The following SMAD3 variants were observed in gnomAD, a reference collection of about 807,000 sequenced individuals.
The protein encoded by SMAD3 is SMAD family member 3, also known as MAD homolog 3.
In SMAD3, 12 loss-of-function variants were observed where a neutral mutation model predicts 51.8. The ratio of observed to expected loss-of-function variants is 0.23; its 90% CI spans 0.15 to 0.38. The LOEUF (loss-of-function observed/expected upper bound fraction) is 0.38. Ranked by LOEUF, SMAD3 falls within the 10% of genes least tolerant of loss-of-function variation. SMAD3 has a pLI of 1.00. For missense variants in SMAD3, 294 were observed against 565.6 expected, an observed-to-expected ratio of 0.52 and a Z score of 4.87; for synonymous variants, 238 against 227.7, an observed-to-expected ratio of 1.05 and a Z score of -0.41.
chr15:67,096,451 G>T (rs1284682337), intron 1 of SMAD3, among the ~76,000 whole-genome samples: 4 of 152,118 alleles, frequency 2.6e-5, no homozygotes, highest in Admixed American at 6.5e-5. Context: ...TTTTATATTT[G>T]CAGTTAAAAC....
At chr15:67,109,764 G>A (rs1045851858) in intron 1 of SMAD3, among the ~76,000 whole-genome samples, 4 of 152,164 alleles carry the variant, frequency 2.6e-5, no homozygotes, top group Admixed American at 6.5e-5. Flanking sequence ...CTGCAGTTGC[G>A]ACACCCGCGT....
At chr15:67,110,411 TG>T (rs1418523296) in intron 1 of SMAD3, among the ~76,000 whole-genome samples, 1 of 152,132 alleles carries the variant, frequency 6.6e-6, no homozygotes, top group Non-Finnish European at 1.5e-5. Context: ...TAGAGGAACT[TG>T]GGTTTGACAA....
At chr15:67,068,087 C>T (rs946674310) in intron 1 of SMAD3, among the ~76,000 whole-genome samples, 3 of 152,132 alleles carry the variant, frequency 2.0e-5, no homozygotes, top group African/African-American at 7.2e-5. Context: ...AGCACTTTCA[C>T]ATGGTTTTCT....
intron 1 of SMAD3, among the ~76,000 whole-genome samples, chr15:67,067,366 C>T (rs1421029924): frequency 1.3e-5 from 2 of 152,202 alleles, no homozygotes; most frequent in Non-Finnish European, 2.9e-5. Context: ...ATGTGCCTGG[C>T]TGGGAACTGG....
chr15:67,068,975 G>C (rs1028774036), intron 1 of SMAD3, among the ~76,000 whole-genome samples: 8 of 152,196 alleles, frequency 5.3e-5, no homozygotes, highest in Non-Finnish European at 8.8e-5. Flanking sequence ...GTGTGTGGGG[G>C]GTTGGTCACT....
In SMAD3 at chr15:67,166,862, T is replaced by G; in HGVS notation, c.607+9T>G. On this transcript the variant is annotated intron_variant, in intron 4 of 8. Coordinates refer to ENST00000327367, the MANE Select transcript of SMAD3 (RefSeq NM_005902.4). ...CCACAGCATGGACGCAGGTCAGTCA[T>G]GCAGGGTCATGCTCTTATTCTTAAC... 6.3e-7 allele frequency: 1 copy of G among 1,575,290 alleles called. No homozygotes were observed. The highest frequency in any genetic ancestry group is 8.6e-7 in the Non-Finnish European group (1 of 1,158,694).
At chr15:67,111,309 A>G (rs1340009199) in intron 1 of SMAD3, among the ~76,000 whole-genome samples, 1 of 152,202 alleles carries the variant, frequency 6.6e-6, no homozygotes, top group Non-Finnish European at 1.5e-5. Context: ...CATTTGTAGC[A>G]TGTGTCAGTA....
chr15:67,166,505 G>A (rs1449941232), intron 3 of SMAD3: 10 of 543,370 alleles, frequency 1.8e-5, no homozygotes. Flanking sequence ...ACCAGGATAA[G>A]TTAGCCTGGC....
intron 1 of SMAD3, among the ~76,000 whole-genome samples, chr15:67,076,559 G>C (rs1960174178): frequency 6.6e-6 from 1 of 152,202 alleles, no homozygotes; most frequent in Non-Finnish European, 1.5e-5. Flanking sequence ...TCATGGCTCT[G>C]AAATGACCCA....
At chr15:67,184,904 C>T in intron 7 of SMAD3, 40 bp downstream of exon 7, 1 of 1,611,592 alleles carries the variant, frequency 6.2e-7, no homozygotes, top group Non-Finnish European at 8.5e-7. Context: ...TGAGGTCCCT[C>T]TCCGAGTGCA....
chr15:67,177,491 T>G (rs185863364), intron 5 of SMAD3, among the ~76,000 whole-genome samples: 284 of 141,314 alleles, frequency 2.0e-3, no homozygotes, highest in African/African-American at 7.2e-3. Context: ...GGCGTGATCT[T>G]GGCTCACTGC....
In SMAD3 at chr15:67,166,807, A is replaced by C; in HGVS notation, c.561A>C (p.Glu187Asp). Reference protein sequence around the residue: ...PETPPPGYLSEDGETSDHQMN... With the variant: ...PETPPPGYLSDDGETSDHQMN... ...CCCCACCCCCTGGCTACCTGAGTGA[A>C]GATGGAGAAACCAGTGACCACCAGA... is the stretch of plus-strand genomic sequence containing the variant. The change falls in exon 4 of 9, where the codon GAA (glutamate) becomes GAC (aspartate). Residue 187 changes from glutamate to aspartate, a missense_variant. By Grantham distance (45) the Glu-to-Asp change is conservative. Coordinates refer to ENST00000327367, the MANE Select transcript of SMAD3 (RefSeq NM_005902.4). The C allele has an allele frequency of 6.3e-7, 1 of 1,597,396 alleles. No homozygotes were observed. Among genetic ancestry groups the C allele is most frequent in the Non-Finnish European group, 8.5e-7 (1 of 1,171,674 alleles).
At chr15:67,127,397 T>G (rs1961416096) in intron 1 of SMAD3, among the ~76,000 whole-genome samples, 1 of 152,116 alleles carries the variant, frequency 6.6e-6, no homozygotes, top group Non-Finnish European at 1.5e-5. Flanking sequence ...TGAGTCCTGT[T>G]CCTCCTCAGG....
chr15:67,183,027 ATATATTTT>A (rs1365463698), intron 6 of SMAD3, among the ~76,000 whole-genome samples: 132 of 63,832 alleles, frequency 2.1e-3, no homozygotes, highest in Admixed American at 0.021. Flanking sequence ...ATATATATAT[ATATATTTT>A]TTTTTTTTTT....
At chr15:67,177,931 G>T (rs769808623) in intron 5 of SMAD3, among the ~76,000 whole-genome samples, 2 of 152,120 alleles carry the variant, frequency 1.3e-5, no homozygotes, top group Non-Finnish European at 2.9e-5. Flanking sequence ...GCATGGCTGG[G>T]GTGCTGCTCT....
intron 1 of SMAD3, among the ~76,000 whole-genome samples, chr15:67,155,955 C>A: frequency 6.7e-6 from 1 of 149,652 alleles, no homozygotes; most frequent in Admixed American, 6.7e-5. Flanking sequence ...CATTGCACTC[C>A]AGCTTGGGTG....
intron 1 of SMAD3, among the ~76,000 whole-genome samples, chr15:67,138,678 C>G (rs1165520621): frequency 6.6e-6 from 1 of 152,208 alleles, no homozygotes; most frequent in Non-Finnish European, 1.5e-5. Context: ...ACTGTTTTCA[C>G]ATGGCTATTT....
At chr15:67,176,098 A>G (rs1240649001) in intron 5 of SMAD3, among the ~76,000 whole-genome samples, 2 of 152,180 alleles carry the variant, frequency 1.3e-5, no homozygotes, top group East Asian at 1.9e-4. Flanking sequence ...TTGGTATTTT[A>G]GTCCGCAGAT....
intron 6 of SMAD3, among the ~76,000 whole-genome samples, chr15:67,182,986 T>TTAA (rs1172704526): frequency 1.5e-4 from 7 of 48,038 alleles, no homozygotes; most frequent in African/African-American, 7.1e-4. Context: ...TATATTTTAT[T>TTAA]AAAAAAAAAA....
Sources: allele counts gnomAD v4.1 joint callset (sites outside exome capture counted in the v4.1 genomes callset), GRCh38; gene constraint gnomAD v4.1.1; transcripts MANE v1.5; gene names NCBI Gene and HGNC (gene_info 2026-07-23, HGNC 2026-07-21).